The following ELOVL4 variants were observed in gnomAD, a reference collection of about 807,000 sequenced individuals.
ELOVL4 encodes ELOVL fatty acid elongase 4.
A neutral mutation model predicts 42.1 loss-of-function variants in ELOVL4; 18 were observed. The ratio of observed to expected loss-of-function variants is 0.43; its 90% CI spans 0.30 to 0.63. ELOVL4 has a LOEUF of 0.63. ELOVL4 is among the 30% of genes least tolerant of loss of function. ELOVL4 has a pLI of 0.15. For missense variants in ELOVL4, 299 were observed against 376.2 expected, an observed-to-expected ratio of 0.79 and a Z score of 1.70; for synonymous variants, 117 against 127.0, an observed-to-expected ratio of 0.92 and a Z score of 0.53.
chr6:79,931,131 T>C (rs1239327562), intron 1 of ELOVL4, among the ~76,000 whole-genome samples: 1 of 152,160 alleles, frequency 6.6e-6, no homozygotes, highest in Non-Finnish European at 1.5e-5. Context: ...AATGGACTCG[T>C]CAAATTTATC....
chr6:79,930,307 T>C (rs937549840), intron 1 of ELOVL4, among the ~76,000 whole-genome samples: 3 of 152,200 alleles, frequency 2.0e-5, no homozygotes, highest in Non-Finnish European at 2.9e-5. Context: ...CTTCTCAAAT[T>C]AGCCCTTCTA....
chr6:79,943,264 A>G (rs556231761), intron 1 of ELOVL4, among the ~76,000 whole-genome samples: 2 of 152,274 alleles, frequency 1.3e-5, no homozygotes, highest in Non-Finnish European at 2.9e-5. Flanking sequence ...ACTTCAGCTT[A>G]TTTGAGCTGA....
rs1257467209 is a variant in ELOVL4, at chr6:79,919,480, T to C, written c.609A>G (p.Ala203=). The change falls in exon 5 of 6, where the codon GCA becomes GCG. Residue 203 remains alanine (A), a synonymous_variant. Coordinates refer to ENST00000369816, the MANE Select transcript of ELOVL4 (RefSeq NM_022726.4). ...VIMYSYYGLT[A]FGPWIQKYLW... ...GATATTTCTGAATCCATGGGCCAAA[T>C]GCAGTTAACCCATAGTATGAGTACA... 9 of 1,613,628 alleles carry C rather than the reference T, an allele frequency of 5.6e-6. No individual in the cohort carries two copies. Among genetic ancestry groups the C allele is most frequent in the Middle Eastern group, 1.6e-4 (1 of 6,080 alleles).
intron 1 of ELOVL4, among the ~76,000 whole-genome samples, chr6:79,930,668 G>C (rs1038159725): frequency 6.6e-6 from 1 of 152,036 alleles, no homozygotes; most frequent in African/African-American, 2.4e-5. Flanking sequence ...ACCAAAAAAA[G>C]GTTGGGGGGC....
intron 2 of ELOVL4, among the ~76,000 whole-genome samples, chr6:79,925,692 G>A (rs940279440): frequency 6.6e-6 from 1 of 152,116 alleles, no homozygotes; most frequent in African/African-American, 2.4e-5. Context: ...CTATATGGCA[G>A]TTAATTCATT....
intron 4 of ELOVL4, among the ~76,000 whole-genome samples, chr6:79,920,212 C>G (rs1469692397): frequency 6.6e-6 from 1 of 152,042 alleles, no homozygotes; most frequent in African/African-American, 2.4e-5. Flanking sequence ...TGTATGAATT[C>G]CTAAGCTGCC....
intron 1 of ELOVL4, among the ~76,000 whole-genome samples, chr6:79,939,259 T>G (rs1774599606): frequency 6.6e-6 from 1 of 152,128 alleles, no homozygotes. Flanking sequence ...ATGTATTAAT[T>G]TTATAATATA....
At chr6:79,922,994 T>C (rs970021052) in intron 3 of ELOVL4, among the ~76,000 whole-genome samples, 1 of 152,224 alleles carries the variant, frequency 6.6e-6, no homozygotes, top group African/African-American at 2.4e-5. Flanking sequence ...CACTATTATA[T>C]TAGTTCTTTA....
At chr6:79,929,083 C>G (rs557959768) in intron 1 of ELOVL4, among the ~76,000 whole-genome samples, 4 of 148,776 alleles carry the variant, frequency 2.7e-5, no homozygotes, top group African/African-American at 9.9e-5. Flanking sequence ...TCTTCATTTC[C>G]TCCATCTGTA....
intron 1 of ELOVL4, among the ~76,000 whole-genome samples, chr6:79,942,539 A>C (rs1007391225): frequency 1.3e-5 from 2 of 152,230 alleles, no homozygotes; most frequent in Admixed American, 6.5e-5. Flanking sequence ...TATCCACAGG[A>C]CTTGAGCAAA....
intron 1 of ELOVL4, among the ~76,000 whole-genome samples, chr6:79,944,810 A>G (rs1774708543): frequency 6.6e-6 from 1 of 151,908 alleles, no homozygotes; most frequent in Admixed American, 6.6e-5. Flanking sequence ...ACTCATCACT[A>G]TTTCTCAAGA....
Position 79,916,898 on chromosome 6 carries a change from T to C in ELOVL4, c.670-15A>G, listed in dbSNP as rs1168438459. On this transcript the variant is annotated splice_polypyrimidine_tract_variant and intron_variant, in intron 5 of 5. Coordinates refer to ENST00000369816, the MANE Select transcript of ELOVL4 (RefSeq NM_022726.4). ...TGGAATTGAATCTGAAAAACAGAAA[T>C]GACAGCACAAAACATTTAATCTGAA... 1 of 1,613,946 alleles carries C rather than the reference T, an allele frequency of 6.2e-7. No homozygotes were observed. Among genetic ancestry groups the C allele is most frequent in the Non-Finnish European group, 8.5e-7 (1 of 1,179,898 alleles).
chr6:79,938,673 T>C (rs1290703966), intron 1 of ELOVL4, among the ~76,000 whole-genome samples: 2 of 152,256 alleles, frequency 1.3e-5, no homozygotes, highest in African/African-American at 4.8e-5. Context: ...TATGAATAAA[T>C]ATCACTTTGT....
intron 1 of ELOVL4, among the ~76,000 whole-genome samples, chr6:79,938,704 C>A (rs1171171864): frequency 6.6e-6 from 1 of 152,112 alleles, no homozygotes; most frequent in Non-Finnish European, 1.5e-5. Context: ...CATACACCAG[C>A]CTTTATAGCA....
intron 1 of ELOVL4, among the ~76,000 whole-genome samples, chr6:79,927,550 T>A (rs987128298): frequency 6.6e-6 from 1 of 152,190 alleles, no homozygotes; most frequent in African/African-American, 2.4e-5. Context: ...AAAAAATTAA[T>A]CTGTGTCTAT....
At position 79,916,381 on chromosome 6, in the gene ELOVL4, G is replaced by A. The variant is rs1302955527; in HGVS notation, c.*227C>T. 7 of 538,424 alleles carry A rather than the reference G, an allele frequency of 1.3e-5. No homozygotes were observed. The highest frequency in any genetic ancestry group is 1.9e-5 in the African/African-American group (1 of 52,562). The allele number at this position is 538,424 out of a possible 1,614,324, so 33.4% of individuals were successfully genotyped here. A position where few individuals can be genotyped will look rare whatever the true frequency, so the allele number is the denominator to read the frequency against. On this transcript the variant is annotated 3_prime_UTR_variant, in exon 6 of 6. Transcript: ENST00000369816. ...CACTTAATGATTGCTTTGGTCTGGA[G>A]AATATCAAGGCTAATTTTTAAAAAA...
At chr6:79,925,246 A>T (rs1257561950) in intron 2 of ELOVL4, among the ~76,000 whole-genome samples, 1 of 152,192 alleles carries the variant, frequency 6.6e-6, no homozygotes, top group African/African-American at 2.4e-5. Flanking sequence ...AATCACATGT[A>T]AATTTTATAC....
At chr6:79,921,271 C>T (rs1303443485) in intron 4 of ELOVL4, among the ~76,000 whole-genome samples, 3 of 151,706 alleles carry the variant, frequency 2.0e-5, no homozygotes, top group Admixed American at 6.6e-5. Context: ...ACCATCCTGG[C>T]CAACATGGTG....
intron 1 of ELOVL4, among the ~76,000 whole-genome samples, chr6:79,939,341 T>C (rs1296398706): frequency 2.0e-5 from 3 of 152,138 alleles, no homozygotes; most frequent in African/African-American, 4.8e-5. Context: ...TTTTTAAGTG[T>C]ACAGTCCAGT....
Sources: allele counts gnomAD v4.1 joint callset (sites outside exome capture counted in the v4.1 genomes callset), GRCh38; gene constraint gnomAD v4.1.1; transcripts MANE v1.5; gene names NCBI Gene and HGNC (gene_info 2026-07-23, HGNC 2026-07-21).